The following CFHR4 variants were observed in gnomAD, a reference collection of about 807,000 sequenced individuals.
CFHR4 encodes complement factor H related 4, also known as complement factor H-related protein 4.
CFHR4 carries 64 observed loss-of-function variants against 69.3 expected under a neutral mutation model. The observed-to-expected ratio is 0.92, with a 90% CI of 0.76 to 1.14. CFHR4 has a LOEUF of 1.14. CFHR4 is among the 50% of genes most tolerant of loss of function. The pLI is 0.00. For missense variants in CFHR4, 636 were observed against 684.9 expected, an observed-to-expected ratio of 0.93 and a Z score of 0.80; for synonymous variants, 244 against 237.0, an observed-to-expected ratio of 1.03 and a Z score of -0.27.
rs1370677796 is a variant in CFHR4 at position 196,917,384 on chromosome 1, A to T, written c.1541-826A>T. Reference sequence around the variant, plus strand: ...CATGGCACACATTTACCTATGGAACAAACCTGCACATCCTGCACATGTACC... The same window carrying T: ...CATGGCACACATTTACCTATGGAACTAACCTGCACATCCTGCACATGTACC... On this transcript the variant is annotated intron_variant, in intron 9 of 9. Coordinates refer to ENST00000608469, the MANE Select transcript of CFHR4 (RefSeq NM_001201550.3). Among the ~76,000 whole-genome samples, 8 of 152,012 alleles carry T rather than the reference A, an allele frequency of 5.3e-5. No individual in the cohort carries two copies. In the East Asian group the frequency reaches 1.5e-3, roughly 29 times the overall value.
Position 196,888,829 on chromosome 1 carries a change from G to T in CFHR4, c.58+621G>T, listed in dbSNP as rs567751019. Among the ~76,000 whole-genome samples the T allele has an allele frequency of 1.9e-4, 28 of 151,270 alleles. 1 individual carries two copies. Among genetic ancestry groups the T allele is most frequent in the African/African-American group, 5.4e-4 (22 of 41,118 alleles). On this transcript the variant is annotated intron_variant, in intron 1 of 9. Transcript: ENST00000608469. ...TTGGAATGACAGTAAATTTTAATTT[G>T]CATTTCTGAGTTCACTAGCAAATGT...
chr1:196,907,643 A>G (rs959046390), intron 5 of CFHR4, 145 bp downstream of exon 5: 25 of 676,786 alleles, frequency 3.7e-5, no homozygotes, highest in Non-Finnish European at 4.8e-5. Context: ...TCAGATCTTA[A>G]TATATAAGTG....
intron 9 of CFHR4, 28 bp from the exon 10 acceptor site, chr1:196,918,179 GATT>G (rs1279253155): frequency 2.5e-6 from 4 of 1,589,472 alleles, no homozygotes; most frequent in Non-Finnish European, 3.4e-6. Context: ...GCAAGATTAT[GATT>G]GTTAATTGTT....
intron 1 of CFHR4, among the ~76,000 whole-genome samples, chr1:196,892,009 T>G (rs1187734402): frequency 6.6e-6 from 1 of 151,552 alleles, no homozygotes; most frequent in Non-Finnish European, 1.5e-5. Context: ...TTTTCTTATG[T>G]TATAGTAATA....
chr1:196,901,298 G>C (rs1366466894), intron 1 of CFHR4, among the ~76,000 whole-genome samples: 1 of 151,220 alleles, frequency 6.6e-6, no homozygotes, highest in African/African-American at 2.4e-5. Context: ...AATATGGACT[G>C]TAGGCCAAGA....
intron 7 of CFHR4, among the ~76,000 whole-genome samples, chr1:196,913,833 A>G (rs1274425897): frequency 6.6e-6 from 1 of 151,448 alleles, no homozygotes; most frequent in Non-Finnish European, 1.5e-5. Flanking sequence ...GTGAGAAAAA[A>G]GAAAGACACA....
rs1404010591 is a variant in CFHR4 at position 196,900,155 on chromosome 1, TAGTG to T, written c.59-2259_59-2256del. 5.2e-4 allele frequency among the ~76,000 whole-genome samples: 79 copies of T among 151,418 alleles called. 5 individuals carry two copies. The highest frequency in any genetic ancestry group is 1.8e-3 in the African/African-American group (75 of 41,090). On this transcript the variant is annotated intron_variant, in intron 1 of 9. Transcript: ENST00000608469. Reference sequence around the variant, plus strand: ...ACAGATTAGCAACCACTATAAAAATTAGTGAGTATTTTAATCAACGTTAAGGTCA... The same window carrying T: ...ACAGATTAGCAACCACTATAAAAATTAGTATTTTAATCAACGTTAAGGTCA...
intron 1 of CFHR4, among the ~76,000 whole-genome samples, chr1:196,899,771 T>G (rs562927801): frequency 6.6e-6 from 1 of 151,802 alleles, no homozygotes; most frequent in South Asian, 2.1e-4. Flanking sequence ...TCTGCAAAAG[T>G]ATTTCGCAAG....
In CFHR4 at chr1:196,889,043, G is replaced by A. The variant is rs116740926; in HGVS notation, c.58+835G>A. 6.8e-3 allele frequency among the ~76,000 whole-genome samples: 1,036 copies of A among 151,384 alleles called. 43 individuals carry two copies. Among genetic ancestry groups the A allele is most frequent in the African/African-American group, 0.024 (994 of 41,162 alleles). On this transcript the variant is annotated intron_variant, in intron 1 of 9. Coordinates refer to ENST00000608469, the MANE Select transcript of CFHR4 (RefSeq NM_001201550.3). ...GGGTCAAAAATCATGGACAATCAAA[G>A]GTGTGTCACCATTAATGAAGAAAAC...
intron 1 of CFHR4, among the ~76,000 whole-genome samples, chr1:196,888,617 T>A (rs1167446588): frequency 6.6e-6 from 1 of 151,236 alleles, no homozygotes; most frequent in Admixed American, 6.6e-5. Flanking sequence ...TGATTTTTTA[T>A]TGATTCATAT....
At chr1:196,900,751 A>C (rs1452514123) in intron 1 of CFHR4, among the ~76,000 whole-genome samples, 1 of 151,566 alleles carries the variant, frequency 6.6e-6, no homozygotes, top group Non-Finnish European at 1.5e-5. Flanking sequence ...AAATAATACA[A>C]ATATCCAAAC....
intron 1 of CFHR4, among the ~76,000 whole-genome samples, chr1:196,889,281 C>T (rs1656895034): frequency 6.6e-6 from 1 of 151,282 alleles, no homozygotes; most frequent in Non-Finnish European, 1.5e-5. Context: ...GCAAAATCAA[C>T]CTTGATTTGT....
chr1:196,893,981 A>G (rs1657158084), intron 1 of CFHR4, among the ~76,000 whole-genome samples: 1 of 151,586 alleles, frequency 6.6e-6, no homozygotes, highest in Non-Finnish European at 1.5e-5. Flanking sequence ...GGAAGATAAC[A>G]CAAAAATTTC....
chr1:196,897,266 A>C (rs1433657502), intron 1 of CFHR4, among the ~76,000 whole-genome samples: 1 of 151,540 alleles, frequency 6.6e-6, no homozygotes, highest in Non-Finnish European at 1.5e-5. Flanking sequence ...GCAGGTGCAG[A>C]GGCCGGCATG....
In CFHR4 at chr1:196,902,564, G is replaced by T. The variant is rs1416201555; in HGVS notation, c.205G>T (p.Asp69Tyr). ...TGTGACTCCTTCAGGAAGTTACTGGGATTACATTCATTGCACACAAGATGG... is the reference window on the plus strand; with the variant it reads ...TGTGACTCCTTCAGGAAGTTACTGGTATTACATTCATTGCACACAAGATGG... Reference protein sequence around the residue: ...NFVTPSGSYWDYIHCTQDGWS... With the variant: ...NFVTPSGSYWYYIHCTQDGWS... Residue 69 changes from aspartate (D) to tyrosine (Y), a missense_variant, in exon 2 of 10, where the codon GAT becomes TAT. By Grantham distance (160) the Asp-to-Tyr change is radical. Coordinates refer to ENST00000608469, the MANE Select transcript of CFHR4 (RefSeq NM_001201550.3). 1 of 1,612,162 alleles carries T rather than the reference G, an allele frequency of 6.2e-7. No homozygotes were observed. Among genetic ancestry groups the T allele is most frequent in the African/African-American group, 1.3e-5 (1 of 74,296 alleles).
At chr1:196,897,371 C>T (rs1489495961) in intron 1 of CFHR4, among the ~76,000 whole-genome samples, 1 of 151,544 alleles carries the variant, frequency 6.6e-6, no homozygotes, top group Non-Finnish European at 1.5e-5. Context: ...CTCAGATTTG[C>T]TGTCTGCAGA....
At chr1:196,903,661 A>G (rs1449427006) in intron 2 of CFHR4, among the ~76,000 whole-genome samples, 1 of 150,482 alleles carries the variant, frequency 6.6e-6, no homozygotes, top group Non-Finnish European at 1.5e-5. Context: ...TCAAGAAAAG[A>G]AAAAAACACA....
intron 8 of CFHR4, 44 bp from the exon 9 acceptor site, chr1:196,914,912 T>A: frequency 1.3e-6 from 2 of 1,592,712 alleles, no homozygotes; most frequent in South Asian, 2.2e-5. Flanking sequence ...AAGTTTCCAA[T>A]AAGACTATTG....
At chr1:196,906,478 T>C (rs1657912404) in intron 3 of CFHR4, among the ~76,000 whole-genome samples, 2 of 151,534 alleles carry the variant, frequency 1.3e-5, no homozygotes, top group African/African-American at 2.4e-5. Flanking sequence ...ACCCTGTCAG[T>C]AAACTGAGTA....
Sources: allele counts gnomAD v4.1 joint callset (sites outside exome capture counted in the v4.1 genomes callset), GRCh38; gene constraint gnomAD v4.1.1; transcripts MANE v1.5; gene names NCBI Gene and HGNC (gene_info 2026-07-23, HGNC 2026-07-21).